The following SLC24A5 variants were observed in gnomAD, a reference collection of about 807,000 sequenced individuals.
SLC24A5 encodes sodium/potassium/calcium exchanger 5.
Under a neutral mutation model 51.6 loss-of-function variants are expected in SLC24A5, and 46 were observed. The observed-to-expected ratio is 0.89, with a 90% CI of 0.70 to 1.14. The LOEUF is 1.14. SLC24A5 is among the 50% of genes most tolerant of loss of function. The pLI is 0.00. For missense variants in SLC24A5, 581 were observed against 604.1 expected, an observed-to-expected ratio of 0.96 and a Z score of 0.40; for synonymous variants, 230 against 214.9, an observed-to-expected ratio of 1.07 and a Z score of -0.62.
chr15:48,131,242 A>G (rs1432346453), intron 2 of SLC24A5, among the ~76,000 whole-genome samples: 3 of 152,166 alleles, frequency 2.0e-5, no homozygotes. Flanking sequence ...ATGTGTGTCT[A>G]TACATATATA....
chr15:48,122,735 T>C, intron 2 of SLC24A5: 1 of 152,434 alleles, frequency 6.6e-6, no homozygotes, highest in Non-Finnish European at 1.5e-5. Context: ...CCTTCACTGG[T>C]GCACTGGTCC....
intron 6 of SLC24A5, chr15:48,137,517 T>C (rs1407986588): frequency 6.6e-6 from 1 of 152,272 alleles, no homozygotes; most frequent in Non-Finnish European, 1.5e-5. Context: ...TTAGTAATGT[T>C]ACCCAAAATG....
chr15:48,121,294 C>A, intron 1 of SLC24A5, 129 bp downstream of exon 1: 1 of 1,015,842 alleles, frequency 9.8e-7, no homozygotes, highest in Non-Finnish European at 1.4e-6. Flanking sequence ...TGAATTTTAG[C>A]ATTTAAAAAG....
intron 2 of SLC24A5, chr15:48,122,655 G>C (rs2038691921): frequency 6.5e-6 from 1 of 153,686 alleles, no homozygotes; most frequent in African/African-American, 2.4e-5. Flanking sequence ...CTGAAAATAA[G>C]ATCAGCCGGT....
intron 2 of SLC24A5, among the ~76,000 whole-genome samples, chr15:48,126,429 T>G (rs1664044637): frequency 6.6e-6 from 1 of 152,200 alleles, no homozygotes; most frequent in African/African-American, 2.4e-5. Flanking sequence ...TTAATTGGTG[T>G]TGTAGAGGGG....
rs1567229322 is a variant in SLC24A5, at chr15:48,139,084, T to G, written c.987T>G (p.Phe329Leu). ...FLTTPDCRKK[F>L]WKNYFVITFF... ...CCACACCAGATTGTAGAAAAAAGTT[T>G]TGGAAAAACTACTTTGTGATAACCT... Residue 329 changes from phenylalanine (F) to leucine (L), a missense_variant, in exon 7 of 9, where the codon TTT (phenylalanine) becomes TTG (leucine). Coordinates refer to ENST00000341459, the MANE Select transcript of SLC24A5 (RefSeq NM_205850.3). The G allele has an allele frequency of 1.2e-6, 2 of 1,613,108 alleles. No individual in the cohort carries two copies. The highest frequency in any genetic ancestry group is 1.7e-6 in the Non-Finnish European group (2 of 1,179,392).
chr15:48,131,089 T>C (rs1432689251), intron 2 of SLC24A5, among the ~76,000 whole-genome samples: 1 of 152,198 alleles, frequency 6.6e-6, no homozygotes, highest in Non-Finnish European at 1.5e-5. Context: ...GGGAGTGCAT[T>C]GTACACCATG....
chr15:48,127,148 A>G (rs1296420536), intron 2 of SLC24A5, among the ~76,000 whole-genome samples: 1 of 152,202 alleles, frequency 6.6e-6, no homozygotes, highest in Non-Finnish European at 1.5e-5. Context: ...CTCAGCTGTG[A>G]AACAGGGTGA....
At chr15:48,126,067 G>A (rs1029131089) in intron 2 of SLC24A5, among the ~76,000 whole-genome samples, 2 of 152,168 alleles carry the variant, frequency 1.3e-5, no homozygotes, top group Non-Finnish European at 2.9e-5. Context: ...GCCCCCGCTC[G>A]GTCAAACCAG....
intron 7 of SLC24A5, chr15:48,140,281 T>C (rs930168126): frequency 2.0e-5 from 3 of 151,812 alleles, no homozygotes; most frequent in Non-Finnish European, 4.4e-5. Context: ...GCAAAGCCAG[T>C]AACAGAAATT....
rs1217469928 is a variant in SLC24A5 at position 48,121,070 on chromosome 15, G to A, written c.26G>A (p.Trp9Ter). ...ATGCAGACAAAAGGGGGCCAAACATGGGCGAGAAGGGCTCTGTTGCTCGGC... is the reference window on the plus strand; with the variant it reads ...ATGCAGACAAAAGGGGGCCAAACATAGGCGAGAAGGGCTCTGTTGCTCGGC... MQTKGGQT[W>*]ARRALLLGIL... is the part of the protein sequence containing the mutation. Residue 9 changes from tryptophan (W) to a stop codon, truncating the protein, a stop_gained, in exon 1 of 9, where the codon TGG becomes TAG. Coordinates refer to ENST00000341459, the MANE Select transcript of SLC24A5 (RefSeq NM_205850.3). LOFTEE classifies it high-confidence loss of function. 6.2e-7 allele frequency: 1 copy of A among 1,613,896 alleles called. No homozygotes were observed. Among genetic ancestry groups the A allele is most frequent in the Non-Finnish European group, 8.5e-7 (1 of 1,179,886 alleles).
In SLC24A5 at chr15:48,121,033, A is replaced by G; in HGVS notation, c.-12A>G. ...TCCTGAAGCTGCACGCTGCAGTAAG[A>G]GCACAGCAGAAATGCAGACAAAAGG... On this transcript the variant is annotated 5_prime_UTR_variant, in exon 1 of 9. Coordinates refer to ENST00000341459, the MANE Select transcript of SLC24A5 (RefSeq NM_205850.3). 6.2e-7 allele frequency: 1 copy of G among 1,612,808 alleles called. No individual in the cohort carries two copies. Among genetic ancestry groups the G allele is most frequent in the Non-Finnish European group, 8.5e-7 (1 of 1,179,372 alleles).
chr15:48,137,188 G>GTGAC, intron 6 of SLC24A5: 1 of 471,992 alleles, frequency 2.1e-6, no homozygotes, highest in Non-Finnish European at 3.6e-6. Flanking sequence ...AAAATAAAGT[G>GTGAC]TGACTGTGGT....
rs1264425673 is a variant in SLC24A5 at position 48,134,325 on chromosome 15, A to G, written c.369A>G (p.Leu123=). Residue 123 remains leucine, a synonymous_variant, in exon 3 of 9, where the codon TTA becomes TTG. Coordinates refer to ENST00000341459, the MANE Select transcript of SLC24A5 (RefSeq NM_205850.3). ...CAGCGGGCAGTTCAGCTCCTGAATTAGTTACTGCTTTCCTAGGTAAATATT... is the reference window on the plus strand; with the variant it reads ...CAGCGGGCAGTTCAGCTCCTGAATTGGTTACTGCTTTCCTAGGTAAATATT... ...FMAAGSSAPE[L]VTAFLGVFIT... 10 of 1,613,500 alleles carry G rather than the reference A, an allele frequency of 6.2e-6. No homozygotes were observed. Among genetic ancestry groups the G allele is most frequent in the Non-Finnish European group, 7.6e-6 (9 of 1,179,658 alleles).
At chr15:48,131,316 A>G (rs2038787601) in intron 2 of SLC24A5, among the ~76,000 whole-genome samples, 1 of 152,094 alleles carries the variant, frequency 6.6e-6, no homozygotes, top group African/African-American at 2.4e-5. Flanking sequence ...AATCACTCTA[A>G]TCAGGAAAAT....
intron 6 of SLC24A5, 165 bp from the exon 7 acceptor site, chr15:48,138,804 A>T: frequency 1.7e-6 from 1 of 588,148 alleles, no homozygotes; most frequent in Non-Finnish European, 3.1e-6. Context: ...AGTTTCAATT[A>T]GTTTCTTTTC....
intron 2 of SLC24A5, among the ~76,000 whole-genome samples, chr15:48,132,929 G>A (rs1479216420): frequency 4.6e-5 from 7 of 152,084 alleles, no homozygotes; most frequent in African/African-American, 1.7e-4. Flanking sequence ...GGAAAACTAC[G>A]TGGAGCAGAA....
At chr15:48,141,293 T>C (rs895811847) in intron 8 of SLC24A5, 79 bp downstream of exon 8, 1 of 1,235,368 alleles carries the variant, frequency 8.1e-7, no homozygotes, top group East Asian at 2.4e-5. Context: ...AAATGTTTAC[T>C]TCCAGCCGGG....
chr15:48,122,166 G>T lies in SLC24A5; in HGVS notation c.301+130G>T, dbSNP rs2038686450. 7.4e-6 allele frequency: 7 copies of T among 942,936 alleles called. No individual in the cohort carries two copies. In the East Asian group the frequency reaches 1.4e-4, roughly 19 times the overall value. 58.4% of individuals were successfully genotyped at this position (942,936 alleles called of 1,614,324 possible). A position where few individuals can be genotyped will look rare whatever the true frequency, so the allele number is the denominator to read the frequency against. ...TGCAGAGCACCAGCTTCTTGTTGTG[G>T]GGTCCCGTGTCTTAAGGAACTGGTC... is the stretch of plus-strand genomic sequence containing the variant. On this transcript the variant is annotated intron_variant, in intron 2 of 8. Coordinates refer to ENST00000341459, the MANE Select transcript of SLC24A5 (RefSeq NM_205850.3).
Sources: allele counts gnomAD v4.1 joint callset (sites outside exome capture counted in the v4.1 genomes callset), GRCh38; gene constraint gnomAD v4.1.1; transcripts MANE v1.5; gene names NCBI Gene and HGNC (gene_info 2026-07-23, HGNC 2026-07-21).